The following FAM217B variants were observed in gnomAD, a reference collection of about 807,000 sequenced individuals.
The protein encoded by FAM217B is family with sequence similarity 217 member B, also known as protein FAM217B.
For missense variants in FAM217B, 463 were observed against 456.9 expected (o/e 1.01, Z -0.12); for synonymous variants, 163 against 173.0 (o/e 0.94, Z 0.45).
intron 1 of FAM217B, among the ~76,000 whole-genome samples, chr20:59,935,121 A>G (rs1165320635): frequency 6.6e-6 from 1 of 152,230 alleles, no homozygotes; most frequent in Non-Finnish European, 1.5e-5. Flanking sequence ...ACAAAATGTA[A>G]GAAGATCGAA....
At chr20:59,940,098 G>A, upstream of FAM217B, 1 of 461,222 alleles carries the variant, frequency 2.2e-6, no homozygotes, top group Non-Finnish European at 3.7e-6. Context: ...CTTGCTCCTC[G>A]AGTCCTTGTC....
At chr20:59,941,620 G>A (rs6071036) in intron 1 of FAM217B, among the ~76,000 whole-genome samples, 7,206 of 152,218 alleles carry the variant, frequency 0.047, 260 homozygotes, top group African/African-American at 0.1. Flanking sequence ...ATAAAGAGAT[G>A]ATATATAATA....
In FAM217B at chr20:59,944,238, G is replaced by A; in HGVS notation, c.295G>A (p.Asp99Asn). 1 of 1,614,174 alleles carries A rather than the reference G, an allele frequency of 6.2e-7. No homozygotes were observed. Among genetic ancestry groups the A allele is most frequent in the Non-Finnish European group, 8.5e-7 (1 of 1,180,034 alleles). ...TGAGGACAGTGCAAGTGATCTCTCT[G>A]ATTCGGAAAGAATTCCCATTCCTCC... is the stretch of plus-strand genomic sequence containing the variant. ...ADEDSASDLSDSERIPIPPSP... is the reference protein window; with the variant it reads ...ADEDSASDLSNSERIPIPPSP... Residue 99 changes from aspartate to asparagine, a missense_variant, in exon 4 of 4, where the codon GAT (aspartate) becomes AAT (asparagine). Transcript: ENST00000360816.
At chr20:59,940,859 C>T (rs968441508) in intron 1 of FAM217B, among the ~76,000 whole-genome samples, 9 of 152,136 alleles carry the variant, frequency 5.9e-5, no homozygotes, top group African/African-American at 1.2e-4. Context: ...CAGCAGATTC[C>T]CTTGAGGGTG....
chr20:59,942,471 CAAG>C lies in FAM217B; in HGVS notation c.-41_-39del, dbSNP rs1569007558. 1 of 152,040 alleles carries C rather than the reference CAAG, an allele frequency of 6.6e-6. No individual in the cohort carries two copies. Among genetic ancestry groups the C allele is most frequent in the Non-Finnish European group, 1.5e-5 (1 of 68,000 alleles). 9.4% of individuals were successfully genotyped at this position (152,040 alleles called of 1,614,324 possible). A position where few individuals can be genotyped will look rare whatever the true frequency, so the allele number is the denominator to read the frequency against. ...ATGATGATCAGCCACGTGATTTTTT[CAAG>C]AAGAGGAATAGGGTGAATGAATCTC... On this transcript the variant is annotated 5_prime_UTR_variant, in exon 3 of 4. Coordinates refer to ENST00000360816, the MANE Select transcript of FAM217B (RefSeq NM_022106.3).
upstream of FAM217B, chr20:59,938,893 G>T: frequency 2.5e-6 from 2 of 792,552 alleles, no homozygotes; most frequent in Non-Finnish European, 3.6e-6. Context: ...CCACTGCCAG[G>T]GGACCTTGCA....
At chr20:59,937,929 A>G (rs1299701125), upstream of FAM217B, 1 of 152,404 alleles carries the variant, frequency 6.6e-6, no homozygotes, top group East Asian at 1.9e-4. Flanking sequence ...AACATGATGT[A>G]TGTAAATACA....
chr20:59,942,671 A>G (rs554575368), intron 3 of FAM217B, among the ~76,000 whole-genome samples, 159 bp downstream of exon 3: 100 of 152,318 alleles, frequency 6.6e-4, no homozygotes, highest in African/African-American at 2.3e-3. Context: ...TGGTTTAAGC[A>G]TAATAGTGGA....
chr20:59,935,979 G>A (rs1037773119), upstream of FAM217B, among the ~76,000 whole-genome samples: 12 of 152,174 alleles, frequency 7.9e-5, no homozygotes, highest in African/African-American at 4.8e-5. Context: ...GGTAAGTTCT[G>A]AGAAAGGTGT....
Position 59,945,302 on chromosome 20 carries a change from G to A in FAM217B, c.*207G>A. On this transcript the variant is annotated 3_prime_UTR_variant, in exon 4 of 4. Coordinates refer to ENST00000360816, the MANE Select transcript of FAM217B (RefSeq NM_022106.3). ...CAATAAGCCTTTCTTTGTATTGTCA[G>A]TCTTAGGCAAATGAGAGCCCTTTAG... The A allele has an allele frequency of 2.0e-6, 1 of 493,124 alleles. No homozygotes were observed. The highest frequency in any genetic ancestry group is 3.7e-6 in the Non-Finnish European group (1 of 273,514). 30.5% of individuals were successfully genotyped at this position (493,124 alleles called of 1,614,324 possible).
chr20:59,939,051 C>T (rs2145945915), upstream of FAM217B: 1 of 1,542,658 alleles, frequency 6.5e-7, no homozygotes, highest in Non-Finnish European at 8.7e-7. Context: ...GTGGATCCAG[C>T]TCTCTTCGCA....
upstream of FAM217B, chr20:59,939,801 G>A (rs893677172): frequency 8.1e-7 from 1 of 1,230,638 alleles, no homozygotes; most frequent in African/African-American, 1.6e-5. Context: ...CGGGCTCCCA[G>A]GGGGCCTACA....
At position 59,945,215 on chromosome 20, in the gene FAM217B, G is replaced by A. The variant is rs187606197; in HGVS notation, c.*120G>A. Reference sequence around the variant, plus strand: ...AATACTGACATTTAAGTAGTTGACTGGCATTTTTGTCCACCTTTATTTCTA... The same window carrying A: ...AATACTGACATTTAAGTAGTTGACTAGCATTTTTGTCCACCTTTATTTCTA... On this transcript the variant is annotated 3_prime_UTR_variant, in exon 4 of 4. Transcript: ENST00000360816. 1.9e-5 allele frequency: 17 copies of A among 879,960 alleles called. No individual in the cohort carries two copies. In the East Asian group the frequency reaches 4.6e-4, roughly 24 times the overall value. The allele number at this position is 879,960 out of a possible 1,614,324, so 54.5% of individuals were successfully genotyped here. A position where few individuals can be genotyped will look rare whatever the true frequency, so the allele number is the denominator to read the frequency against.
At chr20:59,935,770 C>T (rs1251132592), upstream of FAM217B, among the ~76,000 whole-genome samples, 1 of 152,098 alleles carries the variant, frequency 6.6e-6, no homozygotes, top group Non-Finnish European at 1.5e-5. Context: ...AAGACCTTCT[C>T]TCAAAAAAGA....
chr20:59,939,037 T>C, upstream of FAM217B: 2 of 1,526,702 alleles, frequency 1.3e-6, no homozygotes, highest in South Asian at 1.2e-5. Flanking sequence ...GCGGCTCAGA[T>C]GAAGTGGATC....
Position 59,944,275 on chromosome 20 carries a change from C to T in FAM217B, c.332C>T (p.Thr111Ile). 6.2e-7 allele frequency: 1 copy of T among 1,614,168 alleles called. No homozygotes were observed. Among genetic ancestry groups the T allele is most frequent in the Non-Finnish European group, 8.5e-7 (1 of 1,180,034 alleles). ...ATTCCCATTCCTCCTTCTCCCCTCACACCTCCAGATCTCAATCTTCGAGCT... is the reference window on the plus strand; with the variant it reads ...ATTCCCATTCCTCCTTCTCCCCTCATACCTCCAGATCTCAATCTTCGAGCT... ...ERIPIPPSPL[T>I]PPDLNLRAEE... The change falls in exon 4 of 4, where the codon ACA becomes ATA. Residue 111 changes from threonine to isoleucine, a missense_variant. Physicochemically the swap from Thr to Ile is moderately conservative, Grantham distance 89. Transcript: ENST00000360816.
In FAM217B at chr20:59,945,353, A is replaced by G. The variant is rs1003914365; in HGVS notation, c.*258A>G. On this transcript the variant is annotated 3_prime_UTR_variant, in exon 4 of 4. Transcript: ENST00000360816. The stretch of plus-strand genomic sequence containing the variant: ...ATAAAAATTATGTAAAATATGTGCC[A>G]TATAAAGGAATAAAATGGCACCTCT... The G allele has an allele frequency of 2.6e-5, 9 of 350,688 alleles. No homozygotes were observed. Among genetic ancestry groups the G allele is most frequent in the African/African-American group, 1.9e-4 (9 of 46,584 alleles). The allele number at this position is 350,688 out of a possible 1,614,324, so 21.7% of individuals were successfully genotyped here. A position where few individuals can be genotyped will look rare whatever the true frequency, so the allele number is the denominator to read the frequency against.
upstream of FAM217B, chr20:59,939,547 G>C (rs755331391): frequency 5.0e-6 from 8 of 1,611,892 alleles, no homozygotes; most frequent in East Asian, 1.8e-4. Context: ...AGCACGTGCA[G>C]CGGCACGGAC....
chr20:59,939,147 G>C (rs746541345), upstream of FAM217B: 3 of 1,611,004 alleles, frequency 1.9e-6, no homozygotes, highest in Admixed American at 1.7e-5. Context: ...CTCGGCACCC[G>C]CCACTTGGTA....
Sources: gnomAD v4.1 joint callset for allele counts (sites outside exome capture counted in the v4.1 genomes callset) on GRCh38, gnomAD v4.1.1 for gene constraint, MANE v1.5 for transcripts, NCBI Gene and HGNC (gene_info 2026-07-23, HGNC 2026-07-21) for gene names.